GRID2: variants seen among roughly 807,000 people sequenced by gnomAD.
GRID2 encodes the protein glutamate receptor ionotropic, delta-2.
Under a neutral mutation model 114.8 loss-of-function variants are expected in GRID2, and 33 were observed. The ratio of observed to expected loss-of-function variants is 0.29; its 90% CI spans 0.22 to 0.38. GRID2 has a LOEUF of 0.38. GRID2 is among the 10% of genes least tolerant of loss of function. GRID2 has a pLI of 1.00. For synonymous variants in GRID2, 505 were observed against 449.9 expected (o/e 1.12, Z -1.55); for missense variants, 1,184 against 1,257.7 (o/e 0.94, Z 0.89).
intron 8 of GRID2, among the ~76,000 whole-genome samples, chr4:93,352,417 G>C (rs1259198100): frequency 1.3e-5 from 2 of 152,012 alleles, no homozygotes; most frequent in African/African-American, 4.8e-5. Context: ...GCAGTACACA[G>C]AGTCAGAAAC....
intron 2 of GRID2, among the ~76,000 whole-genome samples, chr4:93,017,220 CA>C (rs1722835226): frequency 6.6e-6 from 1 of 152,060 alleles, no homozygotes; most frequent in Admixed American, 6.6e-5. Flanking sequence ...TACTCAATAG[CA>C]ATTTTGCTCA....
intron 1 of GRID2, among the ~76,000 whole-genome samples, chr4:92,384,525 T>TGTA (rs2110244660): frequency 2.3e-5 from 1 of 44,240 alleles, no homozygotes; most frequent in South Asian, 5.9e-4. Context: ...TATTATATAA[T>TGTA]ATAATATATA....
At chr4:93,748,769 A>G (rs1732064382) in intron 14 of GRID2, among the ~76,000 whole-genome samples, 3 of 152,178 alleles carry the variant, frequency 2.0e-5, no homozygotes. Context: ...GAAGCCTGAC[A>G]GGGACAATAA....
intron 8 of GRID2, among the ~76,000 whole-genome samples, chr4:93,348,855 G>A (rs1393413936): frequency 6.6e-6 from 1 of 152,168 alleles, no homozygotes; most frequent in East Asian, 1.9e-4. Context: ...CCTAGTATAT[G>A]TTTGCAAAAA....
In GRID2 at chr4:93,104,792, A is replaced by G. The variant is rs1294331294; in HGVS notation, c.530-5956A>G. ...TACGTGTGCATGTGTCTTTATAGCTACATGATTTACAGTCCTTTGGGTATA... is the reference window on the plus strand; with the variant it reads ...TACGTGTGCATGTGTCTTTATAGCTGCATGATTTACAGTCCTTTGGGTATA... On this transcript the variant is annotated intron_variant, in intron 3 of 15. Transcript: ENST00000282020. Among the ~76,000 whole-genome samples the G allele has an allele frequency of 2.0e-5, 3 of 152,310 alleles. No homozygotes were observed. The East Asian group carries it at 5.8e-4, about 29-fold the overall frequency.
intron 1 of GRID2, among the ~76,000 whole-genome samples, chr4:92,532,611 T>C (rs1314667344): frequency 6.6e-6 from 1 of 152,112 alleles, no homozygotes; most frequent in Non-Finnish European, 1.5e-5. Flanking sequence ...TTTTTCCAAA[T>C]TTGACAATAG....
At chr4:93,274,902 A>G (rs1344734696) in intron 8 of GRID2, among the ~76,000 whole-genome samples, 1 of 152,086 alleles carries the variant, frequency 6.6e-6, no homozygotes, top group Non-Finnish European at 1.5e-5. Flanking sequence ...AAAATATAAC[A>G]GCTTTATTGA....
At chr4:92,956,646 A>G (rs892765488) in intron 2 of GRID2, among the ~76,000 whole-genome samples, 1 of 152,194 alleles carries the variant, frequency 6.6e-6, no homozygotes, top group African/African-American at 2.4e-5. Flanking sequence ...GTCTGAACAT[A>G]AGTTTTCATC....
intron 2 of GRID2, among the ~76,000 whole-genome samples, chr4:92,650,772 C>T (rs557745840): frequency 2.0e-5 from 3 of 151,876 alleles, no homozygotes; most frequent in Non-Finnish European, 2.9e-5. Flanking sequence ...AGTGGTACCA[C>T]TCCCATTTCT....
intron 12 of GRID2, among the ~76,000 whole-genome samples, chr4:93,513,448 A>C (rs1239937116): frequency 6.6e-6 from 1 of 152,194 alleles, no homozygotes; most frequent in Admixed American, 6.6e-5. Context: ...ATGACCTACA[A>C]GTAAATGTCC....
At chr4:92,582,021 G>A (rs1728206856) in intron 1 of GRID2, among the ~76,000 whole-genome samples, 1 of 151,862 alleles carries the variant, frequency 6.6e-6, no homozygotes, top group Non-Finnish European at 1.5e-5. Context: ...ATGGTGGGTG[G>A]AATGGAAGTT....
At chr4:93,677,830 A>G (rs910617300) in intron 14 of GRID2, among the ~76,000 whole-genome samples, 4 of 152,182 alleles carry the variant, frequency 2.6e-5, no homozygotes, top group Non-Finnish European at 5.9e-5. Flanking sequence ...AAAGATGGGG[A>G]AAAAACAAAG....
intron 1 of GRID2, among the ~76,000 whole-genome samples, chr4:92,412,199 G>T (rs1731373268): frequency 6.6e-6 from 1 of 151,846 alleles, no homozygotes; most frequent in South Asian, 2.1e-4. Context: ...TTTATACTCT[G>T]ATTTCTATCA....
At chr4:93,270,045 A>AT (rs1471179464) in intron 8 of GRID2, among the ~76,000 whole-genome samples, 1 of 152,160 alleles carries the variant, frequency 6.6e-6, no homozygotes, top group East Asian at 1.9e-4. Context: ...AACCATTAAA[A>AT]TTTTCTGAGC....
At chr4:93,280,403 C>T (rs879831055) in intron 8 of GRID2, among the ~76,000 whole-genome samples, 2 of 151,924 alleles carry the variant, frequency 1.3e-5, no homozygotes, top group Admixed American at 6.6e-5. Flanking sequence ...TACTTTCTGC[C>T]TTATAGGCTT....
chr4:93,099,573 T>A (rs1005140902), intron 3 of GRID2, among the ~76,000 whole-genome samples: 1 of 151,876 alleles, frequency 6.6e-6, no homozygotes, highest in African/African-American at 2.4e-5. Context: ...TGGGTAGATA[T>A]GTACACTTTT....
intron 2 of GRID2, among the ~76,000 whole-genome samples, chr4:92,814,433 C>G (rs2149381295): frequency 6.6e-6 from 1 of 152,244 alleles, no homozygotes; most frequent in South Asian, 2.1e-4. Context: ...TCATCCCCTG[C>G]AAGGCTGATA....
intron 8 of GRID2, among the ~76,000 whole-genome samples, chr4:93,390,511 G>C (rs1560571624): frequency 1.3e-5 from 2 of 152,268 alleles, no homozygotes; most frequent in East Asian, 3.9e-4. Flanking sequence ...ATTCGCATTT[G>C]AGAGATGAGA....
At chr4:92,949,855 A>G (rs1035108142) in intron 2 of GRID2, among the ~76,000 whole-genome samples, 1 of 152,012 alleles carries the variant, frequency 6.6e-6, no homozygotes, top group African/African-American at 2.4e-5. Flanking sequence ...AGATTTTTCT[A>G]TCTGATACTC....
Sources: allele counts gnomAD v4.1 joint callset (sites outside exome capture counted in the v4.1 genomes callset), GRCh38; gene constraint gnomAD v4.1.1; transcripts MANE v1.5; gene names NCBI Gene and HGNC (gene_info 2026-07-23, HGNC 2026-07-21).